GDPD5: variants seen among roughly 807,000 people sequenced by gnomAD.
GDPD5 encodes glycerophosphodiester phosphodiesterase domain containing 5.
Under a neutral mutation model 75.1 loss-of-function variants are expected in GDPD5, and 48 were observed. That is an observed-to-expected ratio of 0.64 (90% CI 0.51 to 0.81). GDPD5 has a LOEUF of 0.81. GDPD5 is among the 40% of genes least tolerant of loss of function. GDPD5 has a pLI of 0.00. For missense variants in GDPD5, 706 were observed against 822.6 expected (o/e 0.86, Z 1.73); for synonymous variants, 336 against 339.0 (o/e 0.99, Z 0.10).
intron 14 of GDPD5, among the ~76,000 whole-genome samples, chr11:75,440,824 C>T (rs1276966656): frequency 2.0e-5 from 3 of 152,214 alleles, no homozygotes; most frequent in African/African-American, 7.2e-5. Flanking sequence ...TCCCAAAATG[C>T]TGGGATTATA....
At chr11:75,437,236 G>C in intron 15 of GDPD5, 188 bp from the exon 16 acceptor site, 2 of 567,722 alleles carry the variant, frequency 3.5e-6, no homozygotes, top group African/African-American at 1.9e-5. Context: ...ACTGACTCTC[G>C]GCCAGGGCTC....
chr11:75,454,999 C>T (rs543886182), intron 6 of GDPD5, among the ~76,000 whole-genome samples: 84 of 152,254 alleles, frequency 5.5e-4, no homozygotes, highest in East Asian at 1.5e-3. Flanking sequence ...CCTGGTGGGG[C>T]GGGTCGAGCT....
rs1948582228 is a variant in GDPD5, at chr11:75,434,722, C to T, written c.*785G>A. 1 of 152,444 alleles carries T rather than the reference C, an allele frequency of 6.6e-6. No individual in the cohort carries two copies. The highest frequency in any genetic ancestry group is 1.5e-5 in the Non-Finnish European group (1 of 68,094). 9.4% of individuals were successfully genotyped at this position (152,444 alleles called of 1,614,324 possible). A position where few individuals can be genotyped will look rare whatever the true frequency, so the allele number is the denominator to read the frequency against. On this transcript the variant is annotated 3_prime_UTR_variant, in exon 17 of 17. Transcript: ENST00000336898. ...CCACTTAGCCACACACCCACCCTGG[C>T]CATATCCAGAACACTTCTACCAGGT...
chr11:75,503,255 A>C (rs111766225), intron 1 of GDPD5, among the ~76,000 whole-genome samples: 2,229 of 152,296 alleles, frequency 0.015, 59 homozygotes, highest in African/African-American at 0.051. Context: ...TCCTGACCTC[A>C]GGTGATCCGC....
At chr11:75,472,063 G>A (rs778954418) in intron 3 of GDPD5, among the ~76,000 whole-genome samples, 6 of 152,162 alleles carry the variant, frequency 3.9e-5, no homozygotes, top group African/African-American at 4.8e-5. Flanking sequence ...GGGAGGGCAC[G>A]TTTTCTGCAG....
intron 6 of GDPD5, among the ~76,000 whole-genome samples, chr11:75,453,817 C>T (rs931411975): frequency 3.3e-5 from 5 of 151,996 alleles, no homozygotes; most frequent in African/African-American, 4.8e-5. Flanking sequence ...GAGTTGGAAA[C>T]GTTGGGAAGC....
intron 3 of GDPD5, among the ~76,000 whole-genome samples, chr11:75,467,150 G>GT (rs1208551005): frequency 1.3e-5 from 2 of 152,174 alleles, no homozygotes; most frequent in Non-Finnish European, 2.9e-5. Flanking sequence ...CAATCAAATT[G>GT]TAATTGTGGA....
At chr11:75,440,088 G>A (rs755991277) in intron 14 of GDPD5, 127 bp from the exon 15 acceptor site, 6 of 663,202 alleles carry the variant, frequency 9.0e-6, no homozygotes, top group Middle Eastern at 2.6e-4. Context: ...GACCCTGAGA[G>A]GGTCTGGGGG....
intron 1 of GDPD5, among the ~76,000 whole-genome samples, chr11:75,511,078 G>C (rs925845870): frequency 6.6e-6 from 1 of 152,248 alleles, no homozygotes; most frequent in East Asian, 1.9e-4. Context: ...ATTTCCAAGT[G>C]CTGGCTCTGT....
At chr11:75,457,609 G>T in intron 5 of GDPD5, 84 bp downstream of exon 5, 1 of 1,046,934 alleles carries the variant, frequency 9.6e-7, no homozygotes, top group Non-Finnish European at 1.5e-6. Context: ...ATACCAGGGT[G>T]GGACCCTCCA....
intron 3 of GDPD5, among the ~76,000 whole-genome samples, chr11:75,465,375 T>G (rs1416094322): frequency 6.6e-6 from 1 of 152,076 alleles, no homozygotes; most frequent in Admixed American, 6.6e-5. Flanking sequence ...CCCTGAAGAC[T>G]CCCCTGTCTC....
intron 1 of GDPD5, among the ~76,000 whole-genome samples, chr11:75,495,778 C>G (rs1950197633): frequency 6.6e-6 from 1 of 152,200 alleles, no homozygotes; most frequent in Admixed American, 6.5e-5. Context: ...TATTTTTGCT[C>G]TCAGTGCTCC....
intron 1 of GDPD5, among the ~76,000 whole-genome samples, chr11:75,494,210 T>A (rs1950169212): frequency 4.2e-3 from 1 of 240 alleles, no homozygotes; most frequent in Admixed American, 0.1. Context: ...TCGTTTACTT[T>A]TTTTTTTTTT....
intron 1 of GDPD5, chr11:75,508,949 G>C (rs567665222): frequency 2.6e-5 from 4 of 152,324 alleles, no homozygotes; most frequent in Non-Finnish European, 4.4e-5. Flanking sequence ...CCTCCCAGAG[G>C]GGGTACCTGA....
intron 3 of GDPD5, among the ~76,000 whole-genome samples, chr11:75,475,276 A>AG (rs1214658641): frequency 2.0e-5 from 3 of 152,160 alleles, no homozygotes; most frequent in Non-Finnish European, 4.4e-5. Flanking sequence ...TGGGAGATAC[A>AG]GGGGGAGAAT....
intron 3 of GDPD5, among the ~76,000 whole-genome samples, chr11:75,467,805 C>T (rs1200315683): frequency 6.6e-6 from 1 of 152,158 alleles, no homozygotes; most frequent in Admixed American, 6.5e-5. Flanking sequence ...TACCCTAACC[C>T]TCCAGAAACA....
chr11:75,522,233 A>T (rs955525495), intron 1 of GDPD5, among the ~76,000 whole-genome samples: 3 of 152,216 alleles, frequency 2.0e-5, no homozygotes, highest in Non-Finnish European at 4.4e-5. Flanking sequence ...AGCCTTGAGA[A>T]GTGGACATCA....
intron 1 of GDPD5, among the ~76,000 whole-genome samples, chr11:75,516,953 C>T (rs942392998): frequency 5.9e-5 from 9 of 152,268 alleles, no homozygotes; most frequent in Admixed American, 3.9e-4. Flanking sequence ...GGCAGGCGCA[C>T]CTCAATGCAG....
chr11:75,512,733 T>C (rs1329979902), intron 1 of GDPD5, among the ~76,000 whole-genome samples: 2 of 151,818 alleles, frequency 1.3e-5, no homozygotes, highest in Non-Finnish European at 2.9e-5. Flanking sequence ...CTGACCAACA[T>C]GATGAAACCC....
Sources: gnomAD v4.1 joint callset for allele counts (sites outside exome capture counted in the v4.1 genomes callset) on GRCh38, gnomAD v4.1.1 for gene constraint, MANE v1.5 for transcripts, NCBI Gene and HGNC (gene_info 2026-07-23, HGNC 2026-07-21) for gene names.